LSM14A: variants seen among roughly 807,000 people sequenced by gnomAD.
The protein encoded by LSM14A is LSM14A mRNA processing body assembly factor.
A neutral mutation model predicts 52.4 loss-of-function variants in LSM14A; 14 were observed. The observed-to-expected ratio is 0.27, with a 90% confidence interval of 0.18 to 0.42. The LOEUF (loss-of-function observed/expected upper bound fraction) is 0.42. Ranked by LOEUF, LSM14A falls within the 10% of genes least tolerant of loss-of-function variation. The pLI, the probability that LSM14A is intolerant of heterozygous loss-of-function variation, is 1.00. For synonymous variants in LSM14A, 185 were observed against 200.3 expected (o/e 0.92, Z 0.64); for missense variants, 417 against 581.8 (o/e 0.72, Z 2.91).
chr19:34,180,475 G>A (rs1213132246), intron 1 of LSM14A, among the ~76,000 whole-genome samples: 1 of 152,128 alleles, frequency 6.6e-6, no homozygotes, highest in African/African-American at 2.4e-5. Context: ...ATAATTAAAT[G>A]AGGTGATATA....
intron 3 of LSM14A, among the ~76,000 whole-genome samples, chr19:34,200,064 G>C (rs910749913): frequency 6.6e-6 from 1 of 152,146 alleles, no homozygotes; most frequent in African/African-American, 2.4e-5. Flanking sequence ...TGATTGGGGT[G>C]GGGGGCAAAA....
rs1438327022 is a variant in LSM14A at position 34,192,310 on chromosome 19, CTTTTTGTTGTT to C, written c.122-2162_122-2152del. Among the ~76,000 whole-genome samples the C allele has an allele frequency of 3.2e-3, 164 of 51,662 alleles. 5 individuals carry two copies. The highest frequency in any genetic ancestry group is 2.4e-3 in the Non-Finnish European group (58 of 23,996). 33.9% of individuals were successfully genotyped at this position (51,662 alleles called of 152,430 possible). A position where few individuals can be genotyped will look rare whatever the true frequency, so the allele number is the denominator to read the frequency against. The stretch of plus-strand genomic sequence containing the variant: ...ACATTATTTACACTGAAATAACATT[CTTTTTGTTGTT>C]TTTTTTTTTTTTTTTTTTTTTGGAG... On this transcript the variant is annotated intron_variant, in intron 1 of 9. Coordinates refer to ENST00000544216, the MANE Select transcript of LSM14A (RefSeq NM_015578.4).
At chr19:34,202,023 T>G (rs2071326829) in intron 3 of LSM14A, among the ~76,000 whole-genome samples, 1 of 151,884 alleles carries the variant, frequency 6.6e-6, no homozygotes, top group African/African-American at 2.4e-5. Context: ...CATCTCAGCA[T>G]GTTATCCAGG....
chr19:34,196,156 A>G (rs367953957), intron 2 of LSM14A, among the ~76,000 whole-genome samples: 55 of 152,322 alleles, frequency 3.6e-4, no homozygotes, highest in East Asian at 1.5e-3. Context: ...TAATGTAACT[A>G]TAAGTAAAAA....
chr19:34,223,828 A>G (rs1464444800), intron 9 of LSM14A, among the ~76,000 whole-genome samples: 1 of 152,262 alleles, frequency 6.6e-6, no homozygotes, highest in Non-Finnish European at 1.5e-5. Context: ...ATGACCTTTC[A>G]GACCCTTGGT....
At chr19:34,214,031 T>C (rs668933) in intron 4 of LSM14A, among the ~76,000 whole-genome samples, 53,133 of 151,960 alleles carry the variant, frequency 0.35, 9,750 homozygotes, top group African/African-American at 0.4. Flanking sequence ...GATCTGCCCA[T>C]CTCAGCCTCC....
chr19:34,218,373 A>T (rs2072825974), intron 6 of LSM14A, among the ~76,000 whole-genome samples: 1 of 152,126 alleles, frequency 6.6e-6, no homozygotes, highest in Non-Finnish European at 1.5e-5. Flanking sequence ...CATTTTTAAT[A>T]GTAGAGGTGA....
chr19:34,209,220 ACT>A (rs1481491373), intron 4 of LSM14A, among the ~76,000 whole-genome samples, 169 bp downstream of exon 4: 2 of 152,120 alleles, frequency 1.3e-5, no homozygotes, highest in African/African-American at 2.4e-5. Flanking sequence ...TTATTGAATG[ACT>A]CTCACTATTT....
At chr19:34,192,617 G>C (rs191832630) in intron 1 of LSM14A, among the ~76,000 whole-genome samples, 1 of 123,084 alleles carries the variant, frequency 8.1e-6, no homozygotes, top group Non-Finnish European at 1.6e-5. Context: ...GGCATGAGGC[G>C]CTGCATCAGT....
At chr19:34,174,300 G>C (rs188718651) in intron 1 of LSM14A, among the ~76,000 whole-genome samples, 1 of 152,240 alleles carries the variant, frequency 6.6e-6, no homozygotes, top group Non-Finnish European at 1.5e-5. Flanking sequence ...TTATACCTGG[G>C]TAGGGAACCT....
At chr19:34,200,322 C>T (rs2071202775) in intron 3 of LSM14A, among the ~76,000 whole-genome samples, 2 of 152,090 alleles carry the variant, frequency 1.3e-5, no homozygotes, top group Admixed American at 6.6e-5. Context: ...TGTTTGTTTC[C>T]TGCAGGGGAG....
chr19:34,191,473 G>T lies in LSM14A; in HGVS notation c.122-3005G>T, dbSNP rs1000228513. ...CTTTACTGCCTTTTTTCTTTATTTT[G>T]ATACACCTTTTTCTTTCCTTCCATC... is the stretch of plus-strand genomic sequence containing the variant. On this transcript the variant is annotated intron_variant, in intron 1 of 9. Coordinates refer to ENST00000544216, the MANE Select transcript of LSM14A (RefSeq NM_015578.4). Among the ~76,000 whole-genome samples the T allele has an allele frequency of 2.7e-5, 4 of 150,272 alleles. No homozygotes were observed. In the East Asian group the frequency reaches 7.8e-4, roughly 29 times the overall value.
At chr19:34,220,881 T>G in intron 8 of LSM14A, among the ~76,000 whole-genome samples, 1 of 151,980 alleles carries the variant, frequency 6.6e-6, no homozygotes. Context: ...TCTTTTCCCT[T>G]GGGGCTGAGT....
intron 1 of LSM14A, among the ~76,000 whole-genome samples, chr19:34,186,945 A>G (rs1381606612): frequency 6.6e-6 from 1 of 151,726 alleles, no homozygotes; most frequent in East Asian, 1.9e-4. Context: ...AGTTCATGTC[A>G]AAAAAAAGTT....
chr19:34,201,552 A>G (rs1057245938), intron 3 of LSM14A, among the ~76,000 whole-genome samples: 1 of 152,164 alleles, frequency 6.6e-6, no homozygotes, highest in Admixed American at 6.5e-5. Context: ...CATGTTGGTC[A>G]GGCTGGTCTC....
intron 1 of LSM14A, among the ~76,000 whole-genome samples, chr19:34,174,175 C>G (rs1193122981): frequency 2.6e-5 from 4 of 152,212 alleles, no homozygotes; most frequent in African/African-American, 9.6e-5. Context: ...TCTCGAACTC[C>G]TGACCTCAGG....
intron 1 of LSM14A, among the ~76,000 whole-genome samples, chr19:34,184,558 A>G (rs2069745262): frequency 6.6e-6 from 1 of 152,128 alleles, no homozygotes; most frequent in Non-Finnish European, 1.5e-5. Flanking sequence ...GTTATAAGCA[A>G]TTTTTATTTA....
intron 1 of LSM14A, among the ~76,000 whole-genome samples, chr19:34,179,499 G>T (rs2069320646): frequency 6.6e-6 from 1 of 152,160 alleles, no homozygotes; most frequent in African/African-American, 2.4e-5. Context: ...CCTATTTAGT[G>T]ATGTTGCCAG....
chr19:34,202,132 T>TG (rs1472399325), intron 3 of LSM14A, among the ~76,000 whole-genome samples: 2 of 151,570 alleles, frequency 1.3e-5, no homozygotes, highest in Non-Finnish European at 2.9e-5. Flanking sequence ...GTAAGTTTTT[T>TG]TTTTTTTTTT....
Sources: gnomAD v4.1 joint callset for allele counts (sites outside exome capture counted in the v4.1 genomes callset) on GRCh38, gnomAD v4.1.1 for gene constraint, MANE v1.5 for transcripts, NCBI Gene and HGNC (gene_info 2026-07-23, HGNC 2026-07-21) for gene names.